Variants in SCG3 observed in about 807,000 individuals in gnomAD.
SCG3 encodes the protein secretogranin III.
In SCG3, 38 loss-of-function variants were observed where a neutral mutation model predicts 56.2. The observed-to-expected ratio is 0.68, with a 90% CI of 0.52 to 0.89. SCG3 has a LOEUF of 0.89. SCG3 is among the 40% of genes least tolerant of loss of function. The pLI, the probability that SCG3 is intolerant of heterozygous loss-of-function variation, is 0.00. For missense variants in SCG3, 524 were observed against 540.7 expected, an observed-to-expected ratio of 0.97 and a Z score of 0.31; for synonymous variants, 176 against 184.2, an observed-to-expected ratio of 0.96 and a Z score of 0.36.
At chr15:51,711,256 A>ACTT (rs2055418959) in intron 10 of SCG3, among the ~76,000 whole-genome samples, 1 of 152,228 alleles carries the variant, frequency 6.6e-6, no homozygotes, top group Non-Finnish European at 1.5e-5. Context: ...GATGGCGAAA[A>ACTT]CTTCATTTGT....
Position 51,699,335 on chromosome 15 carries a change from G to T in SCG3, c.1002G>T (p.Met334Ile). The change falls in exon 9 of 12, where the codon ATG becomes ATT. Residue 334 changes from methionine to isoleucine, a missense_variant. Coordinates refer to ENST00000220478, the MANE Select transcript of SCG3 (RefSeq NM_013243.4). ...TCCCTCCAGAAAACTTGGATGAAAT[G>T]ATTGCTCTTCAGACCAAAAACAAGC... ...GVSYLENLDE[M>I]IALQTKNKLE... is the part of the protein sequence containing the mutation. 6.2e-7 allele frequency: 1 copy of T among 1,607,014 alleles called. No individual in the cohort carries two copies. The highest frequency in any genetic ancestry group is 8.5e-7 in the Non-Finnish European group (1 of 1,177,892).
At chr15:51,717,739 T>C (rs1368265659) in intron 11 of SCG3, among the ~76,000 whole-genome samples, 1 of 152,198 alleles carries the variant, frequency 6.6e-6, no homozygotes, top group African/African-American at 2.4e-5. Flanking sequence ...TCAGTTTTTG[T>C]TCACCTTCCT....
At chr15:51,691,888 A>G (rs2055269025) in intron 6 of SCG3, among the ~76,000 whole-genome samples, 1 of 152,206 alleles carries the variant, frequency 6.6e-6, no homozygotes, top group South Asian at 2.1e-4. Flanking sequence ...GGCCAGAGAA[A>G]GAGCCCAGAA....
At chr15:51,709,615 T>C (rs559273964) in intron 10 of SCG3, among the ~76,000 whole-genome samples, 2 of 97,082 alleles carry the variant, frequency 2.1e-5, no homozygotes, top group African/African-American at 9.5e-5. Flanking sequence ...GTCTCTCAAA[T>C]AAATCATTCA....
Position 51,719,530 on chromosome 15 carries a change from T to C in SCG3, c.*4T>C, listed in dbSNP as rs375963354. The C allele has an allele frequency of 1.3e-6, 2 of 1,590,270 alleles. No homozygotes were observed. Among genetic ancestry groups the C allele is most frequent in the African/African-American group, 2.7e-5 (2 of 74,334 alleles). On this transcript the variant is annotated 3_prime_UTR_variant, in exon 12 of 12. Transcript: ENST00000220478. ...GCGCATTTATAGCAGCCTGTAAAAA[T>C]GGCAAAAGATCCAGGAGTCTTTCAA...
Position 51,701,139 on chromosome 15 carries a change from A to G in SCG3, c.1102A>G (p.Ser368Gly), listed in dbSNP as rs530122535. 43 of 1,614,034 alleles carry G rather than the reference A, an allele frequency of 2.7e-5. 2 individuals are homozygous for G. In the South Asian group the frequency reaches 4.2e-4, roughly 16 times the overall value. The change falls in exon 10 of 12, where the codon AGT (serine) becomes GGT (glycine). Residue 368 changes from serine to glycine, a missense_variant. Transcript: ENST00000220478. The part of the protein sequence containing the change: ...PSEKSHEETD[S>G]TKEEAAKMEK... ...AGAGAAGAGTCATGAAGAAACAGACAGTACCAAGGAAGAAGCAGCTAAGAT... is the reference window on the plus strand; with the variant it reads ...AGAGAAGAGTCATGAAGAAACAGACGGTACCAAGGAAGAAGCAGCTAAGAT...
At chr15:51,697,864 T>C (rs1032200377) in intron 8 of SCG3, among the ~76,000 whole-genome samples, 1 of 152,200 alleles carries the variant, frequency 6.6e-6, no homozygotes, top group Admixed American at 6.5e-5. Context: ...GAGTTTGAGT[T>C]ATGTCTTTAA....
intron 11 of SCG3, among the ~76,000 whole-genome samples, chr15:51,715,936 C>T (rs561359717): frequency 5.4e-4 from 82 of 152,062 alleles, no homozygotes; most frequent in Middle Eastern, 3.4e-3. Context: ...CCGCTCACTG[C>T]GAGCTCCGCC....
intron 10 of SCG3, among the ~76,000 whole-genome samples, chr15:51,704,654 CTTTT>C (rs1465098892): frequency 6.7e-6 from 1 of 150,130 alleles, no homozygotes; most frequent in African/African-American, 2.4e-5. Flanking sequence ...AATTTTCTTC[CTTTT>C]TTAAGGCTGA....
At chr15:51,715,465 A>G (rs984931651) in intron 11 of SCG3, among the ~76,000 whole-genome samples, 1 of 152,130 alleles carries the variant, frequency 6.6e-6, no homozygotes, top group African/African-American at 2.4e-5. Context: ...TTGTTTGGTA[A>G]GGGACTGGGT....
intron 8 of SCG3, among the ~76,000 whole-genome samples, chr15:51,698,180 T>A (rs554068199): frequency 2.0e-5 from 3 of 152,198 alleles, no homozygotes; most frequent in Non-Finnish European, 4.4e-5. Flanking sequence ...GGAGAAAATA[T>A]ACAAAGTAAT....
intron 1 of SCG3, among the ~76,000 whole-genome samples, chr15:51,682,315 C>T (rs41286490): frequency 0.021 from 3,217 of 151,380 alleles, 89 homozygotes; most frequent in East Asian, 0.095. Flanking sequence ...TCAAGAAATA[C>T]ACCAAGATAA....
rs2055300027 is a variant in SCG3 at position 51,695,859 on chromosome 15, T to C, written c.869-16T>C. The C allele has an allele frequency of 2.2e-6, 3 of 1,371,728 alleles. No homozygotes were observed. The highest frequency in any genetic ancestry group is 1.8e-4 in the Middle Eastern group (1 of 5,448). 85.0% of individuals were successfully genotyped at this position (1,371,728 alleles called of 1,614,324 possible). On this transcript the variant is annotated splice_polypyrimidine_tract_variant and intron_variant, in intron 7 of 11. Transcript: ENST00000220478. ...CTATCCCCCACAGTTTTAAGTTATT[T>C]TGTTCTTTCATATAGAAAAAGAAGC...
chr15:51,713,517 G>A (rs143037996), intron 11 of SCG3, 104 bp downstream of exon 11: 35 of 656,762 alleles, frequency 5.3e-5, no homozygotes, highest in East Asian at 2.9e-4. Context: ...AAGTCTCCCC[G>A]CAGAGCCCAA....
Position 51,719,406 on chromosome 15 carries a change from A to C in SCG3, c.1289-2A>C. The C allele has an allele frequency of 6.2e-7, 1 of 1,605,812 alleles. No individual in the cohort carries two copies. The highest frequency in any genetic ancestry group is 8.5e-7 in the Non-Finnish European group (1 of 1,173,320). ...TCATTATGCTCTAATAATATTTTCC[A>C]GATTATGACCTTTCAAAGATGAGAG... On this transcript the variant is annotated splice_acceptor_variant, in intron 11 of 11. Coordinates refer to ENST00000220478, the MANE Select transcript of SCG3 (RefSeq NM_013243.4). LOFTEE classifies it high-confidence loss of function.
At chr15:51,709,139 GAAAC>G (rs1398758632) in intron 10 of SCG3, among the ~76,000 whole-genome samples, 2 of 152,192 alleles carry the variant, frequency 1.3e-5, no homozygotes, top group East Asian at 1.9e-4. Flanking sequence ...GGCGGAAGGG[GAAAC>G]AAACAAGTCC....
Position 51,712,804 on chromosome 15 carries a change from G to T in SCG3, c.1208-529G>T, listed in dbSNP as rs372413967. 2.0e-5 allele frequency among the ~76,000 whole-genome samples: 3 copies of T among 152,236 alleles called. No individual in the cohort carries two copies. In the East Asian group the frequency reaches 5.8e-4, roughly 29 times the overall value. On this transcript the variant is annotated intron_variant, in intron 10 of 11. Transcript: ENST00000220478. ...CAAACCTTGAAGTGAGGCACTGGTC[G>T]CCTCTTTGTCTAAGTTTTTGCCCGC... is the stretch of plus-strand genomic sequence containing the variant.
intron 10 of SCG3, among the ~76,000 whole-genome samples, chr15:51,703,177 C>T (rs1395377831): frequency 1.3e-5 from 2 of 152,050 alleles, no homozygotes; most frequent in East Asian, 3.8e-4. Context: ...TCACAAGGAC[C>T]AATTTTGCCC....
At chr15:51,716,142 C>G (rs2055454185) in intron 11 of SCG3, among the ~76,000 whole-genome samples, 1 of 152,204 alleles carries the variant, frequency 6.6e-6, no homozygotes, top group Admixed American at 6.5e-5. Flanking sequence ...CAGGTGTGAG[C>G]CACCGCGCCC....
Sources: allele counts gnomAD v4.1 joint callset (sites outside exome capture counted in the v4.1 genomes callset), GRCh38; gene constraint gnomAD v4.1.1; transcripts MANE v1.5; gene names NCBI Gene and HGNC (gene_info 2026-07-23, HGNC 2026-07-21).